EML6: variants seen among roughly 807,000 people sequenced by gnomAD.
The protein encoded by EML6 is EMAP like 6.
A neutral mutation model predicts 240.1 loss-of-function variants in EML6; 154 were observed. That is an observed-to-expected ratio of 0.64 (90% CI 0.56 to 0.73). The LOEUF is 0.73. Ranked by LOEUF, EML6 falls within the 30% of genes least tolerant of loss-of-function variation. The pLI is 0.00. For synonymous variants in EML6, 1,148 were observed against 899.0 expected (o/e 1.28, Z -4.95); for missense variants, 2,964 against 2,474.6 (o/e 1.20, Z -4.20).
At chr2:54,733,898 T>A (rs1312815449) in intron 2 of EML6, among the ~76,000 whole-genome samples, 1 of 152,066 alleles carries the variant, frequency 6.6e-6, no homozygotes, top group South Asian at 2.1e-4. Flanking sequence ...TGAGAGAGAA[T>A]AAATGGCAAC....
In EML6 at chr2:54,909,441, CT is replaced by C. The variant is rs571597740; in HGVS notation, c.3410-1512del. Among the ~76,000 whole-genome samples the C allele has an allele frequency of 5.9e-5, 9 of 152,310 alleles. No homozygotes were observed. In the South Asian group the frequency reaches 1.9e-3, roughly 32 times the overall value. Reference sequence around the variant, plus strand: ...TTTGCTCAAGTCAAGGAAAAATCCCCTAATCACTGTGTTATAATTCACCAAA... The same window carrying C: ...TTTGCTCAAGTCAAGGAAAAATCCCCAATCACTGTGTTATAATTCACCAAA... On this transcript the variant is annotated intron_variant, in intron 24 of 41. Transcript: ENST00000356458.
At chr2:54,929,549 G>A (rs1413475568) in intron 28 of EML6, among the ~76,000 whole-genome samples, 3 of 152,166 alleles carry the variant, frequency 2.0e-5, no homozygotes, top group Non-Finnish European at 2.9e-5. Flanking sequence ...AGGTAGGCTC[G>A]ATGTTGACAA....
chr2:54,965,739 A>G (rs1283656002), intron 38 of EML6, among the ~76,000 whole-genome samples: 3 of 152,218 alleles, frequency 2.0e-5, no homozygotes, highest in Non-Finnish European at 4.4e-5. Flanking sequence ...TGATCCATCA[A>G]GTGCACGGTC....
intron 2 of EML6, among the ~76,000 whole-genome samples, chr2:54,761,329 A>T (rs1667972540): frequency 6.6e-6 from 1 of 152,140 alleles, no homozygotes; most frequent in Middle Eastern, 3.2e-3. Context: ...TTAACTGAAA[A>T]AAAAGCATAA....
At chr2:54,738,618 A>G (rs1250917313) in intron 2 of EML6, among the ~76,000 whole-genome samples, 1 of 152,210 alleles carries the variant, frequency 6.6e-6, no homozygotes, top group Non-Finnish European at 1.5e-5. Flanking sequence ...TTTTAAGAGC[A>G]TAGCTTAGTT....
chr2:54,757,990 A>G (rs566037112), intron 2 of EML6, among the ~76,000 whole-genome samples: 2 of 150,770 alleles, frequency 1.3e-5, no homozygotes, highest in African/African-American at 4.9e-5. Flanking sequence ...TATCTTTTCA[A>G]TTTGGCAAGA....
chr2:54,918,176 A>G (rs1224323241), intron 26 of EML6, among the ~76,000 whole-genome samples: 2 of 152,152 alleles, frequency 1.3e-5, no homozygotes, highest in Non-Finnish European at 2.9e-5. Context: ...TCCTATCTGT[A>G]TCTTTGAATA....
At chr2:54,840,289 C>G (rs1669373863) in intron 7 of EML6, among the ~76,000 whole-genome samples, 1 of 120,608 alleles carries the variant, frequency 8.3e-6, no homozygotes, top group Non-Finnish European at 2.0e-5. Context: ...AGGGCCGTGT[C>G]TTTAAAACAA....
intron 28 of EML6, among the ~76,000 whole-genome samples, chr2:54,936,130 C>T (rs537522593): frequency 1.8e-4 from 28 of 152,310 alleles, no homozygotes; most frequent in East Asian, 7.7e-4. Flanking sequence ...CTTATAACTA[C>T]GGAAATATTT....
intron 10 of EML6, among the ~76,000 whole-genome samples, chr2:54,850,912 C>A (rs1254426712): frequency 6.6e-6 from 1 of 152,156 alleles, no homozygotes; most frequent in East Asian, 1.9e-4. Flanking sequence ...GGATACATCT[C>A]AAAAATATGC....
chr2:54,879,702 GT>G (rs1671717226), intron 17 of EML6, 62 bp downstream of exon 17: 1 of 985,242 alleles, frequency 1.0e-6, no homozygotes, highest in Non-Finnish European at 1.5e-6. Flanking sequence ...AAGGTCAATA[GT>G]TTTCATTTTC....
At position 54,890,015 on chromosome 2, in the gene EML6, A is replaced by G. The variant is rs376155328; in HGVS notation, c.2439-1039A>G. On this transcript the variant is annotated intron_variant, in intron 17 of 41. Transcript: ENST00000356458. The stretch of plus-strand genomic sequence containing the variant: ...TCTCAATGACAAAGTACAGGGAAAT[A>G]CAAATGTCTAAATGACAAGTCTGAA... Among the ~76,000 whole-genome samples, 6 of 152,256 alleles carry G rather than the reference A, an allele frequency of 3.9e-5. No homozygotes were observed. The East Asian group carries it at 9.6e-4, about 24-fold the overall frequency.
chr2:54,960,127 C>A (rs1676427543), intron 34 of EML6, 93 bp from the exon 35 acceptor site: 2 of 957,896 alleles, frequency 2.1e-6, no homozygotes, highest in East Asian at 2.7e-5. Flanking sequence ...CTGGCCAGAA[C>A]CCTGATGACT....
At chr2:54,955,056 A>T (rs1344741129) in intron 32 of EML6, among the ~76,000 whole-genome samples, 1 of 152,198 alleles carries the variant, frequency 6.6e-6, no homozygotes, top group African/African-American at 2.4e-5. Context: ...TATGAGGAAA[A>T]GAGCCTGACA....
At chr2:54,870,029 C>T (rs1671171136) in intron 15 of EML6, among the ~76,000 whole-genome samples, 1 of 152,154 alleles carries the variant, frequency 6.6e-6, no homozygotes, top group South Asian at 2.1e-4. Flanking sequence ...TTTATCTTTT[C>T]CTCAAATGTA....
intron 5 of EML6, among the ~76,000 whole-genome samples, chr2:54,824,530 ATCT>A (rs1668495622): frequency 6.6e-6 from 1 of 152,188 alleles, no homozygotes; most frequent in Non-Finnish European, 1.5e-5. Context: ...TGAGTGCAAA[ATCT>A]TTGTACTCAA....
chr2:54,926,801 T>C (rs1674571700), intron 26 of EML6, among the ~76,000 whole-genome samples: 1 of 152,188 alleles, frequency 6.6e-6, no homozygotes. Context: ...TCTATGTCCC[T>C]TTTTTCCCCT....
intron 17 of EML6, among the ~76,000 whole-genome samples, chr2:54,888,140 A>T (rs1032914361): frequency 1.3e-5 from 2 of 152,214 alleles, no homozygotes; most frequent in Non-Finnish European, 2.9e-5. Flanking sequence ...GCAGTGCTCA[A>T]ATATCTCTCT....
chr2:54,740,707 G>T (rs977027335), intron 2 of EML6, among the ~76,000 whole-genome samples: 1 of 139,122 alleles, frequency 7.2e-6, no homozygotes, highest in Non-Finnish European at 1.6e-5. Flanking sequence ...GCAGACTCTA[G>T]CTCTTTTTTT....
Sources: allele counts gnomAD v4.1 joint callset (sites outside exome capture counted in the v4.1 genomes callset), GRCh38; gene constraint gnomAD v4.1.1; transcripts MANE v1.5; gene names NCBI Gene and HGNC (gene_info 2026-07-23, HGNC 2026-07-21).